Variants in FUT5 observed in about 807,000 individuals in gnomAD.
The protein encoded by FUT5 is 4-galactosyl-N-acetylglucosaminide 3-alpha-L-fucosyltransferase FUT5.
FUT5 carries 1 observed loss-of-function variant against 0.8 expected under a neutral mutation model. The observed-to-expected ratio is 1.26, with a 90% CI of 0.45 to 5.99. FUT5 has a LOEUF of 5.99. Among genes scored for constraint, FUT5 ranks in the 30% most tolerant of loss-of-function variants. The pLI is 0.15. For missense variants in FUT5, 437 were observed against 517.8 expected (o/e 0.84, Z 1.51); for synonymous variants, 212 against 225.7 (o/e 0.94, Z 0.54).
At position 5,866,672 on chromosome 19, in the gene FUT5, T is replaced by G; in HGVS notation, c.1054A>C (p.Lys352Gln). 6.2e-7 allele frequency: 1 copy of G among 1,612,758 alleles called. No homozygotes were observed. The highest frequency in any genetic ancestry group is 8.5e-7 in the Non-Finnish European group (1 of 1,179,946). Residue 352 changes from lysine to glutamine, a missense_variant, in exon 2 of 2, where the codon AAG becomes CAG. Physicochemically the swap from Lys to Gln is moderately conservative, Grantham distance 53. Transcript: ENST00000588525. This position sits in a 1 kb window ranked among gnomAD's most constrained non-coding sequence, Gnocchi z 4.9. ...TCCTGCTGCAGCTTCCAGCAGGCCT[T>G]GCAGAAAGCCAGTGCCCAGCTGAAG... is the stretch of plus-strand genomic sequence containing the variant. ...RSFSWALAFCKACWKLQQESR... is the reference protein window; with the variant it reads ...RSFSWALAFCQACWKLQQESR...
rs552417219 is a variant in FUT5 at position 5,867,504 on chromosome 19, G to A, written c.222C>T (p.Pro74=). 1.3e-5 allele frequency: 21 copies of A among 1,612,946 alleles called. No homozygotes were observed. Among genetic ancestry groups the A allele is most frequent in the Non-Finnish European group, 1.8e-5 (21 of 1,179,798 alleles). The change falls in exon 2 of 2, where the codon CCC becomes CCT. Residue 74 remains proline (P), a synonymous_variant. Coordinates refer to ENST00000588525, the MANE Select transcript of FUT5 (RefSeq NM_002034.2). This position sits in a 1 kb window ranked among gnomAD's most constrained non-coding sequence, Gnocchi z 5.0. ...ACGTCCACAGCAGGATCAGTAGGGTGGGGTGGGCAGGGGTCGCCATGCTGT... is the reference window on the plus strand; with the variant it reads ...ACGTCCACAGCAGGATCAGTAGGGTAGGGTGGGCAGGGGTCGCCATGCTGT... ...CQDSMATPAH[P]TLLILLWTWP... is the part of the protein sequence containing the mutation.
chr19:5,868,161 G>C (rs924045630), intron 1 of FUT5, among the ~76,000 whole-genome samples: 2 of 152,152 alleles, frequency 1.3e-5, no homozygotes, highest in Admixed American at 1.3e-4. Flanking sequence ...TCCTGGGGGA[G>C]AGGCTGAGGC....
At position 5,866,448 on chromosome 19, in the gene FUT5, A is replaced by AGCAGGTGAGGCCCCAG; in HGVS notation, c.*137_*152dup. ...CACATGCCTGGCCACCAAAGACTCC[A>AGCAGGTGAGGCCCCAG]GCAGGTGAGGCCCCAGGCAGGTGAG... On this transcript the variant is annotated 3_prime_UTR_variant, in exon 2 of 2. Transcript: ENST00000588525. The surrounding 1 kb of genome is among the most constrained non-coding windows in gnomAD (Gnocchi z 4.9). 1 of 1,241,104 alleles carries AGCAGGTGAGGCCCCAG rather than the reference A, an allele frequency of 8.1e-7. No individual in the cohort carries two copies. The highest frequency in any genetic ancestry group is 1.2e-6 in the Non-Finnish European group (1 of 864,778). 76.9% of individuals were successfully genotyped at this position (1,241,104 alleles called of 1,614,324 possible).
At chr19:5,870,066 CAAAAA>C (rs72405451) in intron 1 of FUT5, among the ~76,000 whole-genome samples, 19 of 70,440 alleles carry the variant, frequency 2.7e-4, no homozygotes, top group Middle Eastern at 9.1e-3. Context: ...AACTCCATCT[CAAAAA>C]AAAAAAAAAA....
At chr19:5,868,105 A>G (rs1452493333) in intron 1 of FUT5, among the ~76,000 whole-genome samples, 3 of 152,188 alleles carry the variant, frequency 2.0e-5, no homozygotes, top group Admixed American at 6.5e-5. Flanking sequence ...TTCAATCAAC[A>G]GACACTCAAA....
intron 1 of FUT5, among the ~76,000 whole-genome samples, chr19:5,868,196 G>A (rs1304006432): frequency 6.6e-6 from 1 of 152,138 alleles, no homozygotes; most frequent in Non-Finnish European, 1.5e-5. Context: ...GAGGATAGGA[G>A]GGAGAATGGG....
chr19:5,866,470 TGAGACCCCAGGCAGCC>T lies in FUT5; in HGVS notation c.*115_*130del, dbSNP rs1181986273. ...TCCAGCAGGTGAGGCCCCAGGCAGG[TGAGACCCCAGGCAGCC>T]GAGGCCCCAGGCAGCCGAGGCCCCA... On this transcript the variant is annotated 3_prime_UTR_variant, in exon 2 of 2. Coordinates refer to ENST00000588525, the MANE Select transcript of FUT5 (RefSeq NM_002034.2). This position sits in a 1 kb window ranked among gnomAD's most constrained non-coding sequence, Gnocchi z 4.9. 13 of 1,417,232 alleles carry T rather than the reference TGAGACCCCAGGCAGCC, an allele frequency of 9.2e-6. No individual in the cohort carries two copies. Among genetic ancestry groups the T allele is most frequent in the Non-Finnish European group, 1.3e-5 (13 of 1,015,054 alleles). The allele number at this position is 1,417,232 out of a possible 1,614,324, so 87.8% of individuals were successfully genotyped here.
Position 5,866,711 on chromosome 19 carries a change from G to A in FUT5, c.1015C>T (p.Leu339=). The A allele has an allele frequency of 6.2e-7, 1 of 1,610,506 alleles. No homozygotes were observed. The highest frequency in any genetic ancestry group is 8.5e-7 in the Non-Finnish European group (1 of 1,179,552). The change falls in exon 2 of 2, where the codon CTG becomes TTG. Residue 339 remains leucine (L), a synonymous_variant. Transcript: ENST00000588525. This position sits in a 1 kb window ranked among gnomAD's most constrained non-coding sequence, Gnocchi z 4.9. Reference sequence around the variant, plus strand: ...GCCCAGCTGAAGGAGCGAGGCCGCAGCGTCTCCCGCCAGTGAAAGTAGCTC... The same window carrying A: ...GCCCAGCTGAAGGAGCGAGGCCGCAACGTCTCCCGCCAGTGAAAGTAGCTC... ...YLSYFHWRET[L]RPRSFSWALA...
intron 1 of FUT5, among the ~76,000 whole-genome samples, chr19:5,870,078 A>AAG (rs2057518024): frequency 2.0e-5 from 3 of 151,448 alleles, no homozygotes; most frequent in Admixed American, 2.0e-4. Context: ...AAAAAAAAAA[A>AAG]AAAAAAAAAG....
In FUT5 at chr19:5,866,219, G is replaced by A. The variant is rs1001152047; in HGVS notation, c.*382C>T. The A allele has an allele frequency of 1.0e-5, 4 of 382,990 alleles. No individual in the cohort carries two copies. Among genetic ancestry groups the A allele is most frequent in the Non-Finnish European group, 2.0e-5 (4 of 201,714 alleles). 23.7% of individuals were successfully genotyped at this position (382,990 alleles called of 1,614,324 possible). A position where few individuals can be genotyped will look rare whatever the true frequency, so the allele number is the denominator to read the frequency against. The stretch of plus-strand genomic sequence containing the variant: ...GGCCCTGTGCCTCCCAGCGGGTGAG[G>A]CTCCTAGCAGGTGACATTCAGTGTG... On this transcript the variant is annotated 3_prime_UTR_variant, in exon 2 of 2. Transcript: ENST00000588525. The surrounding 1 kb of genome is among the most constrained non-coding windows in gnomAD (Gnocchi z 4.9).
chr19:5,866,786 C>A lies in FUT5; in HGVS notation c.940G>T (p.Asp314Tyr), dbSNP rs772800545. ...IHVDDFQSPK[D>Y]LARYLQELDK... is the part of the protein sequence containing the mutation. The stretch of plus-strand genomic sequence containing the variant: ...AGCTCCTGCAGGTACCGGGCCAGGT[C>A]CTTGGGGCTCTGGAAGTCGTCCACG... Residue 314 changes from aspartate (D) to tyrosine (Y), a missense_variant, in exon 2 of 2, where the codon GAC becomes TAC. This residue lies in a region of FUT5 where 176 missense variants were observed against 275.2 expected (regional missense o/e 0.64). Transcript: ENST00000588525. The surrounding 1 kb of genome is among the most constrained non-coding windows in gnomAD (Gnocchi z 4.9). 6.2e-7 allele frequency: 1 copy of A among 1,602,490 alleles called. No individual in the cohort carries two copies. The highest frequency in any genetic ancestry group is 8.5e-7 in the Non-Finnish European group (1 of 1,175,290).
chr19:5,866,490 G>A lies in FUT5; in HGVS notation c.*111C>T, dbSNP rs377553603. 37 of 1,122,874 alleles carry A rather than the reference G, an allele frequency of 3.3e-5. No homozygotes were observed. The highest frequency in any genetic ancestry group is 4.6e-5 in the Admixed American group (2 of 43,556). The allele number at this position is 1,122,874 out of a possible 1,614,324, so 69.6% of individuals were successfully genotyped here. On this transcript the variant is annotated 3_prime_UTR_variant, in exon 2 of 2. Transcript: ENST00000588525. This position sits in a 1 kb window ranked among gnomAD's most constrained non-coding sequence, Gnocchi z 4.9. Reference sequence around the variant, plus strand: ...GCAGGTGAGACCCCAGGCAGCCGAGGCCCCAGGCAGCCGAGGCCCCAGGTA... The same window carrying A: ...GCAGGTGAGACCCCAGGCAGCCGAGACCCCAGGCAGCCGAGGCCCCAGGTA...
chr19:5,867,570 C>T lies in FUT5; in HGVS notation c.156G>A (p.Val52=). ...TGSPRPGLMA[V]EPVTGAPNGS... is the part of the protein sequence containing the mutation. ...CATTGGGAGCCCCGGTGACAGGTTC[C>T]ACTGCCATAAGCCCTGGCCTAGGGG... The change falls in exon 2 of 2, where the codon GTG becomes GTA. Residue 52 remains valine (V), a synonymous_variant. Coordinates refer to ENST00000588525, the MANE Select transcript of FUT5 (RefSeq NM_002034.2). The surrounding 1 kb of genome is among the most constrained non-coding windows in gnomAD (Gnocchi z 5.0). The T allele has an allele frequency of 6.2e-7, 1 of 1,613,574 alleles. No individual in the cohort carries two copies. Among genetic ancestry groups the T allele is most frequent in the South Asian group, 1.1e-5 (1 of 91,088 alleles).
At position 5,867,412 on chromosome 19, in the gene FUT5, T is replaced by G. The variant is rs201728770; in HGVS notation, c.314A>C (p.Asn105Thr). 35 of 1,613,678 alleles carry G rather than the reference T, an allele frequency of 2.2e-5. No individual in the cohort carries two copies. The highest frequency in any genetic ancestry group is 3.0e-5 in the Non-Finnish European group (35 of 1,179,994). The change falls in exon 2 of 2, where the codon AAC (asparagine) becomes ACC (threonine). Residue 105 changes from asparagine to threonine, a missense_variant. Coordinates refer to ENST00000588525, the MANE Select transcript of FUT5 (RefSeq NM_002034.2). The surrounding 1 kb of genome is among the most constrained non-coding windows in gnomAD (Gnocchi z 5.0). ...SEMVPGAADCNITADSSVYPQ... is the reference protein window; with the variant it reads ...SEMVPGAADCTITADSSVYPQ... ...GTACACACTGGAGTCGGCAGTGATGTTGCAGTCGGCCGCGCCGGGCACCAT... is the reference window on the plus strand; with the variant it reads ...GTACACACTGGAGTCGGCAGTGATGGTGCAGTCGGCCGCGCCGGGCACCAT...
Position 5,866,616 on chromosome 19 carries a change from C to A in FUT5, c.1110G>T (p.Ala370=). Residue 370 remains alanine (A), a synonymous_variant, in exon 2 of 2, where the codon GCG becomes GCT. Coordinates refer to ENST00000588525, the MANE Select transcript of FUT5 (RefSeq NM_002034.2). This position sits in a 1 kb window ranked among gnomAD's most constrained non-coding sequence, Gnocchi z 4.9. ...TGCCGGCCTCTCAGGTGAACCAAGCCGCTATGCTGCGCACCGTCTGGTACC... is the reference window on the plus strand; with the variant it reads ...TGCCGGCCTCTCAGGTGAACCAAGCAGCTATGCTGCGCACCGTCTGGTACC... ...ESRYQTVRSI[A]AWFT is the part of the protein sequence containing the mutation. 6.2e-7 allele frequency: 1 copy of A among 1,613,280 alleles called. No homozygotes were observed. Among genetic ancestry groups the A allele is most frequent in the Non-Finnish European group, 8.5e-7 (1 of 1,180,008 alleles).
At position 5,866,279 on chromosome 19, in the gene FUT5, G is replaced by A; in HGVS notation, c.*322C>T. 2.0e-6 allele frequency: 1 copy of A among 490,158 alleles called. No homozygotes were observed. The highest frequency in any genetic ancestry group is 3.3e-5 in the Admixed American group (1 of 30,218). The allele number at this position is 490,158 out of a possible 1,614,324, so 30.4% of individuals were successfully genotyped here. A position where few individuals can be genotyped will look rare whatever the true frequency, so the allele number is the denominator to read the frequency against. ...CTGGGAGCAGGTCCCAGCAGGTAAA[G>A]TCCCCAACAGCCGAGATCCTCAGTA... On this transcript the variant is annotated 3_prime_UTR_variant, in exon 2 of 2. Transcript: ENST00000588525. This position sits in a 1 kb window ranked among gnomAD's most constrained non-coding sequence, Gnocchi z 4.9.
In FUT5 at chr19:5,866,474, A is replaced by T; in HGVS notation, c.*127T>A. Reference sequence around the variant, plus strand: ...GCAGGTGAGGCCCCAGGCAGGTGAGACCCCAGGCAGCCGAGGCCCCAGGCA... The same window carrying T: ...GCAGGTGAGGCCCCAGGCAGGTGAGTCCCCAGGCAGCCGAGGCCCCAGGCA... On this transcript the variant is annotated 3_prime_UTR_variant, in exon 2 of 2. Transcript: ENST00000588525. The surrounding 1 kb of genome is among the most constrained non-coding windows in gnomAD (Gnocchi z 4.9). 2 of 1,473,698 alleles carry T rather than the reference A, an allele frequency of 1.4e-6. No homozygotes were observed. The highest frequency in any genetic ancestry group is 1.9e-6 in the Non-Finnish European group (2 of 1,062,380). The allele number at this position is 1,473,698 out of a possible 1,614,324, so 91.3% of individuals were successfully genotyped here. A position where few individuals can be genotyped will look rare whatever the true frequency, so the allele number is the denominator to read the frequency against.
At chr19:5,870,102 T>C (rs1387459365) in intron 1 of FUT5, among the ~76,000 whole-genome samples, 1 of 147,460 alleles carries the variant, frequency 6.8e-6, no homozygotes, top group Non-Finnish European at 1.5e-5. Flanking sequence ...AAGAAAAACA[T>C]TAAATTTCCT....
chr19:5,866,261 C>T lies in FUT5; in HGVS notation c.*340G>A. ...TTCAGTGTGGCAAGGTCTCTGGGAG[C>T]AGGTCCCAGCAGGTAAAGTCCCCAA... is the stretch of plus-strand genomic sequence containing the variant. On this transcript the variant is annotated 3_prime_UTR_variant, in exon 2 of 2. Coordinates refer to ENST00000588525, the MANE Select transcript of FUT5 (RefSeq NM_002034.2). The surrounding 1 kb of genome is among the most constrained non-coding windows in gnomAD (Gnocchi z 4.9). 4.4e-6 allele frequency: 2 copies of T among 450,044 alleles called. No homozygotes were observed. Among genetic ancestry groups the T allele is most frequent in the South Asian group, 4.3e-5 (2 of 47,016 alleles). The allele number at this position is 450,044 out of a possible 1,614,324, so 27.9% of individuals were successfully genotyped here. A position where few individuals can be genotyped will look rare whatever the true frequency, so the allele number is the denominator to read the frequency against.
Sources: allele counts gnomAD v4.1 joint callset (sites outside exome capture counted in the v4.1 genomes callset), GRCh38; gene constraint gnomAD v4.1.1; regional missense constraint gnomAD v4.1.1; non-coding constraint Gnocchi (gnomAD v3.1); transcripts MANE v1.5; gene names NCBI Gene and HGNC (gene_info 2026-07-23, HGNC 2026-07-21).